The following TRMT11 variants were observed in gnomAD, a reference collection of about 807,000 sequenced individuals.
TRMT11 encodes tRNA methyltransferase 11, also known as tRNA (guanine(10)-N(2))-methyltransferase TRMT11.
In TRMT11, 53 loss-of-function variants were observed where a neutral mutation model predicts 62.8. The ratio of observed to expected loss-of-function variants is 0.84; its 90% CI spans 0.68 to 1.06. The LOEUF (loss-of-function observed/expected upper bound fraction) is 1.06. TRMT11 is among the 50% of genes least tolerant of loss of function. The pLI, the probability that TRMT11 is intolerant of heterozygous loss-of-function variation, is 0.00. For missense variants in TRMT11, 556 were observed against 553.4 expected, an observed-to-expected ratio of 1.00 and a Z score of -0.05; for synonymous variants, 188 against 190.3, an observed-to-expected ratio of 0.99 and a Z score of 0.10.
chr6:126,093,363 C>G (rs193269652), intron 17 of TRMT11, among the ~76,000 whole-genome samples: 1 of 151,476 alleles, frequency 6.6e-6, no homozygotes, highest in African/African-American at 2.4e-5. Flanking sequence ...TCATTTCATA[C>G]TCTCCGGTTT....
At position 126,183,233 on chromosome 6, in the gene TRMT11, G is replaced by T. The variant is rs565439662; in HGVS notation, n.143+5898G>T. 2.0e-5 allele frequency among the ~76,000 whole-genome samples: 3 copies of T among 152,260 alleles called. No homozygotes were observed. In the South Asian group the frequency reaches 6.2e-4, roughly 32 times the overall value. On this transcript the variant is annotated intron_variant and non_coding_transcript_variant, in intron 1 of 3. Coordinates refer to the TRMT11 transcript ENST00000444229. Reference sequence around the variant, plus strand: ...CTTGTGGTCAAAACATTAACAGGGTGCTTTGTTAACAAAATGTTCAGGTCA... The same window carrying T: ...CTTGTGGTCAAAACATTAACAGGGTTCTTTGTTAACAAAATGTTCAGGTCA...
chr6:126,237,505 C>A, the TRMT11 span, among the ~76,000 whole-genome samples: 1 of 151,998 alleles, frequency 6.6e-6, no homozygotes, highest in Non-Finnish European at 1.5e-5. Context: ...CATGGCGAAA[C>A]CTTGTCTCTA....
chr6:126,140,250 A>T lies in TRMT11; in HGVS notation c.*1823+24395A>T, dbSNP rs560585647. ...CCCTATTTGGTCCTGATGTGTAATT[A>T]AAAAAAAATCCCTGTATCTGATTTG... On this transcript the variant is annotated intron_variant and NMD_transcript_variant, in intron 21 of 22. Coordinates refer to the TRMT11 transcript ENST00000648977. 1.3e-4 allele frequency among the ~76,000 whole-genome samples: 20 copies of T among 151,484 alleles called. No homozygotes were observed. The East Asian group carries it at 2.7e-3, about 21-fold the overall frequency.
chr6:125,999,683 A>G, intron 7 of TRMT11, 70 bp downstream of exon 7: 1 of 1,392,852 alleles, frequency 7.2e-7, no homozygotes, highest in Non-Finnish European at 9.8e-7. Flanking sequence ...TCATGGTAAT[A>G]TTTTTGCTAA....
chr6:126,111,890 T>C (rs988258391), intron 17 of TRMT11, among the ~76,000 whole-genome samples: 1 of 152,154 alleles, frequency 6.6e-6, no homozygotes, highest in Admixed American at 6.6e-5. Context: ...ATTGGGTATA[T>C]GATGCCTAAT....
intron 1 of TRMT11, among the ~76,000 whole-genome samples, chr6:125,987,660 G>A (rs190593111): frequency 3.3e-4 from 51 of 152,298 alleles, no homozygotes; most frequent in African/African-American, 1.1e-3. Context: ...AGGAGTAAGA[G>A]GATGGGATAG....
intron 17 of TRMT11, among the ~76,000 whole-genome samples, chr6:126,109,509 A>T (rs1777506963): frequency 6.6e-6 from 1 of 152,180 alleles, no homozygotes. Context: ...ACCAGGATGC[A>T]CCTCATGCTA....
At chr6:126,026,804 T>TG (rs1197177283) in intron 12 of TRMT11, among the ~76,000 whole-genome samples, 2 of 144,858 alleles carry the variant, frequency 1.4e-5, no homozygotes, top group African/African-American at 5.1e-5. Context: ...TTTTTTGGGT[T>TG]TTTTTTTTTT....
the TRMT11 span, among the ~76,000 whole-genome samples, chr6:126,217,472 A>G: frequency 6.6e-6 from 1 of 152,186 alleles, no homozygotes; most frequent in East Asian, 1.9e-4. Flanking sequence ...CAAACCTAGG[A>G]ACACTATGGC....
At chr6:126,053,861 G>A (rs1583846840) in intron 17 of TRMT11, among the ~76,000 whole-genome samples, 1 of 152,204 alleles carries the variant, frequency 6.6e-6, no homozygotes, top group Non-Finnish European at 1.5e-5. Context: ...TGACATCTAA[G>A]TTAACCCCTA....
At chr6:126,049,498 C>T (rs550527844) in intron 16 of TRMT11, among the ~76,000 whole-genome samples, 140 of 151,806 alleles carry the variant, frequency 9.2e-4, no homozygotes, top group Non-Finnish European at 1.7e-3. Context: ...ATTGTTGTTC[C>T]TCTGTATTAG....
At chr6:126,021,689 G>A (rs912063583) in intron 12 of TRMT11, among the ~76,000 whole-genome samples, 1 of 152,178 alleles carries the variant, frequency 6.6e-6, no homozygotes, top group Non-Finnish European at 1.5e-5. Context: ...AAGAGAGAAA[G>A]TAAATGTCCC....
intron 21 of TRMT11, among the ~76,000 whole-genome samples, chr6:126,133,160 G>A (rs942120901): frequency 1.3e-5 from 2 of 151,958 alleles, no homozygotes; most frequent in African/African-American, 2.4e-5. Flanking sequence ...CAAGGTTTCC[G>A]AAAGCCACTA....
intron 17 of TRMT11, among the ~76,000 whole-genome samples, chr6:126,089,522 G>A (rs368264868): frequency 6.6e-5 from 10 of 152,222 alleles, no homozygotes; most frequent in South Asian, 2.1e-4. Context: ...AACTTACCCC[G>A]GGTCACATGG....
At chr6:126,121,246 C>T (rs1020903233) in intron 21 of TRMT11, among the ~76,000 whole-genome samples, 4 of 152,098 alleles carry the variant, frequency 2.6e-5, no homozygotes, top group African/African-American at 9.7e-5. Flanking sequence ...GAATCAGGTA[C>T]TAGTTTGGCT....
downstream of TRMT11, among the ~76,000 whole-genome samples, chr6:126,041,303 A>G (rs1775872734): frequency 6.6e-6 from 1 of 152,154 alleles, no homozygotes; most frequent in African/African-American, 2.4e-5. Context: ...GTGCTTTAAA[A>G]GTTTGAGACA....
chr6:126,058,847 A>G (rs1257084261), intron 17 of TRMT11, among the ~76,000 whole-genome samples: 1 of 152,154 alleles, frequency 6.6e-6, no homozygotes, highest in Non-Finnish European at 1.5e-5. Context: ...ATTCCTGGAC[A>G]TATACATCCC....
intron 2 of TRMT11, among the ~76,000 whole-genome samples, chr6:125,994,649 C>T (rs970870695): frequency 6.6e-6 from 1 of 152,094 alleles, no homozygotes; most frequent in East Asian, 1.9e-4. Flanking sequence ...TATAAAGATA[C>T]ATGCATGCAT....
chr6:126,065,837 T>C (rs534883973), intron 17 of TRMT11, among the ~76,000 whole-genome samples: 26 of 152,346 alleles, frequency 1.7e-4, no homozygotes, highest in South Asian at 1.2e-3. Flanking sequence ...GAGGGTGGTA[T>C]GACTGTAGAC....
Sources: gnomAD v4.1 joint callset for allele counts (sites outside exome capture counted in the v4.1 genomes callset) on GRCh38, gnomAD v4.1.1 for gene constraint, MANE v1.5 for transcripts, NCBI Gene and HGNC (gene_info 2026-07-23, HGNC 2026-07-21) for gene names.